The following SHOC1 variants were observed in gnomAD, a reference collection of about 807,000 sequenced individuals.
SHOC1 encodes the protein shortage in chiasmata 1.
Under a neutral mutation model 179.2 loss-of-function variants are expected in SHOC1, and 136 were observed. The ratio of observed to expected loss-of-function variants is 0.76; its 90% CI spans 0.66 to 0.87. The LOEUF is 0.87. SHOC1 is among the 40% of genes least tolerant of loss of function. The pLI is 0.00. For synonymous variants in SHOC1, 489 were observed against 586.6 expected (o/e 0.83, Z 2.41); for missense variants, 1,538 against 1,700.8 (o/e 0.90, Z 1.68).
intron 6 of SHOC1, 127 bp from the exon 7 acceptor site, chr9:111,758,322 G>A (rs1589449222): frequency 1.6e-6 from 1 of 612,390 alleles, no homozygotes; most frequent in Non-Finnish European, 2.8e-6. Context: ...TTGGCCGGGT[G>A]CAGTGGCTCA....
chr9:111,714,755 AT>A, intron 16 of SHOC1, 132 bp from the exon 17 acceptor site: 1 of 801,614 alleles, frequency 1.2e-6, no homozygotes, highest in East Asian at 2.7e-5. Context: ...TCTGATTTTG[AT>A]CAAAGACACT....
chr9:111,757,077 T>C (rs1834895973), intron 7 of SHOC1, among the ~76,000 whole-genome samples: 1 of 152,188 alleles, frequency 6.6e-6, no homozygotes. Context: ...TCTCCAAATA[T>C]AAAACATTTT....
chr9:111,690,119 C>T (rs1326590263), intron 27 of SHOC1, among the ~76,000 whole-genome samples: 1 of 151,978 alleles, frequency 6.6e-6, no homozygotes, highest in Non-Finnish European at 1.5e-5. Flanking sequence ...CCATATTTAA[C>T]AGCATATTAA....
At chr9:111,708,215 T>A (rs1049668385) in intron 18 of SHOC1, among the ~76,000 whole-genome samples, 8 of 151,708 alleles carry the variant, frequency 5.3e-5, no homozygotes, top group Admixed American at 1.3e-4. Flanking sequence ...ATTTTTTATT[T>A]TTTTTGAGAC....
chr9:111,773,838 T>C (rs939824627), intron 5 of SHOC1, among the ~76,000 whole-genome samples: 4 of 151,760 alleles, frequency 2.6e-5, no homozygotes, highest in Non-Finnish European at 5.9e-5. Context: ...TAATTATTTA[T>C]AATTCTTATA....
intron 20 of SHOC1, 74 bp downstream of exon 20, chr9:111,706,494 T>A: frequency 1.7e-6 from 2 of 1,151,098 alleles, no homozygotes; most frequent in South Asian, 3.7e-5. Context: ...TATTTTTATC[T>A]ATAAATCATA....
intron 16 of SHOC1, among the ~76,000 whole-genome samples, 153 bp from the exon 17 acceptor site, chr9:111,714,776 T>C (rs1832714873): frequency 6.6e-6 from 1 of 152,152 alleles, no homozygotes. Flanking sequence ...TAATAAAAAC[T>C]TTAAAACTGA....
intron 5 of SHOC1, among the ~76,000 whole-genome samples, chr9:111,774,161 C>T (rs1835735646): frequency 6.6e-6 from 1 of 151,808 alleles, no homozygotes; most frequent in Non-Finnish European, 1.5e-5. Context: ...TTTTTATAAG[C>T]CATCTCTTTA....
At chr9:111,715,816 C>T (rs1312848560) in intron 16 of SHOC1, among the ~76,000 whole-genome samples, 2 of 152,092 alleles carry the variant, frequency 1.3e-5, no homozygotes, top group African/African-American at 4.8e-5. Context: ...GTGCCACTAC[C>T]ATATATCTCT....
intron 16 of SHOC1, among the ~76,000 whole-genome samples, chr9:111,716,586 T>TC (rs1438973828): frequency 6.6e-6 from 1 of 152,098 alleles, no homozygotes; most frequent in Non-Finnish European, 1.5e-5. Flanking sequence ...AGGCAGGGTT[T>TC]CACCATGTTG....
chr9:111,734,363 A>C (rs1833726940), intron 12 of SHOC1, among the ~76,000 whole-genome samples: 1 of 152,212 alleles, frequency 6.6e-6, no homozygotes, highest in East Asian at 1.9e-4. Context: ...GGATATTTCA[A>C]GACCTCATAA....
At chr9:111,733,766 G>A (rs931584955) in intron 12 of SHOC1, among the ~76,000 whole-genome samples, 2 of 152,138 alleles carry the variant, frequency 1.3e-5, no homozygotes, top group African/African-American at 2.4e-5. Flanking sequence ...TACTTGAGAG[G>A]CTGAGGCAGG....
intron 18 of SHOC1, among the ~76,000 whole-genome samples, chr9:111,712,674 T>C (rs1414480818): frequency 6.6e-6 from 1 of 152,102 alleles, no homozygotes; most frequent in Non-Finnish European, 1.5e-5. Context: ...GAATTGAGAA[T>C]TGAAGAATGA....
At chr9:111,735,588 G>A (rs1833779374) in intron 12 of SHOC1, among the ~76,000 whole-genome samples, 1 of 152,094 alleles carries the variant, frequency 6.6e-6, no homozygotes, top group African/African-American at 2.4e-5. Context: ...GTCTATCATT[G>A]ATGGGCATTT....
chr9:111,750,523 C>G (rs189876407), intron 8 of SHOC1, among the ~76,000 whole-genome samples: 2 of 152,040 alleles, frequency 1.3e-5, no homozygotes, highest in Admixed American at 6.6e-5. Context: ...TTAGTAGAGA[C>G]GGGGTTTCAC....
At chr9:111,703,657 T>C (rs1405741823) in intron 22 of SHOC1, among the ~76,000 whole-genome samples, 1 of 152,162 alleles carries the variant, frequency 6.6e-6, no homozygotes, top group Non-Finnish European at 1.5e-5. Context: ...TTAAATATTC[T>C]TTATTTGCCC....
intron 2 of SHOC1, among the ~76,000 whole-genome samples, 193 bp from the exon 3 acceptor site, chr9:111,786,228 G>T (rs1589480249): frequency 1.3e-5 from 2 of 152,192 alleles, no homozygotes; most frequent in African/African-American, 2.4e-5. Flanking sequence ...AAGGTCAGGA[G>T]ATTGAGACCA....
Position 111,692,000 on chromosome 9 carries a change from G to A in SHOC1, c.3977C>T (p.Ser1326Phe). The A allele has an allele frequency of 6.8e-6, 11 of 1,613,094 alleles. No homozygotes were observed. Among genetic ancestry groups the A allele is most frequent in the Non-Finnish European group, 8.5e-6 (10 of 1,179,672 alleles). ...TGCTTCATGTGTTCTCCTTTTCTGA[G>A]AATTTATAAAACGGGGGACAACTGA... ...RVSVVPRFIN[S>F]QKRRTHEAKG... The change falls in exon 27 of 28, where the codon TCT becomes TTT. Residue 1326 changes from serine to phenylalanine, a missense_variant. Coordinates refer to ENST00000682961, the MANE Select transcript of SHOC1 (RefSeq NM_001378211.1).
Position 111,691,868 on chromosome 9 carries a change from T to C in SHOC1, c.4109A>G (p.His1370Arg), listed in dbSNP as rs1400955703. ...TGCACCATATTGTAAGTTGAACGGG[T>C]GATTCTCTTGTTCCCATATATTTTT... ...FKKNIWEQENHPFNLQYGAQQ... is the reference protein window; with the variant it reads ...FKKNIWEQENRPFNLQYGAQQ... Residue 1370 changes from histidine to arginine, a missense_variant, in exon 27 of 28, where the codon CAC becomes CGC. By Grantham distance (29) the His-to-Arg change is conservative. Transcript: ENST00000682961. 1.2e-6 allele frequency: 2 copies of C among 1,613,810 alleles called. No homozygotes were observed. The highest frequency in any genetic ancestry group is 4.5e-5 in the East Asian group (2 of 44,860).
Sources: allele counts gnomAD v4.1 joint callset (sites outside exome capture counted in the v4.1 genomes callset), GRCh38; gene constraint gnomAD v4.1.1; transcripts MANE v1.5; gene names NCBI Gene and HGNC (gene_info 2026-07-23, HGNC 2026-07-21).